The following UST variants were observed in gnomAD, a reference collection of about 807,000 sequenced individuals.
The protein encoded by UST is uronyl 2-sulfotransferase.
In UST, 21 loss-of-function variants were observed where a neutral mutation model predicts 45.6. The ratio of observed to expected loss-of-function variants is 0.46; its 90% confidence interval spans 0.33 to 0.66. UST has a LOEUF of 0.66. Among genes scored for constraint, UST ranks in the 30% least tolerant of loss-of-function variants. UST has a pLI of 0.02. For synonymous variants in UST, 215 were observed against 200.6 expected, an observed-to-expected ratio of 1.07 and a Z score of -0.61; for missense variants, 463 against 512.4, an observed-to-expected ratio of 0.90 and a Z score of 0.93.
chr6:149,072,236 C>T (rs1776829514), intron 7 of UST, among the ~76,000 whole-genome samples: 1 of 152,178 alleles, frequency 6.6e-6, no homozygotes, highest in Admixed American at 6.5e-5. Context: ...GACTCAGATA[C>T]TAGAATGCAA....
chr6:148,831,279 A>C (rs1777683323), intron 1 of UST, among the ~76,000 whole-genome samples: 1 of 152,200 alleles, frequency 6.6e-6, no homozygotes, highest in African/African-American at 2.4e-5. Flanking sequence ...AGATGAAAAA[A>C]TTCAGGTGCA....
At chr6:148,750,061 A>G (rs570546748) in intron 1 of UST, among the ~76,000 whole-genome samples, 46 of 152,330 alleles carry the variant, frequency 3.0e-4, no homozygotes, top group African/African-American at 1.1e-3. Flanking sequence ...GTGTCTGTCA[A>G]AACAAAACTT....
Position 149,074,233 on chromosome 6 carries a change from T to G in UST, c.*117T>G. The G allele has an allele frequency of 8.7e-7, 1 of 1,143,620 alleles. No homozygotes were observed. The highest frequency in any genetic ancestry group is 1.2e-6 in the Non-Finnish European group (1 of 808,648). 70.8% of individuals were successfully genotyped at this position (1,143,620 alleles called of 1,614,324 possible). ...TGGGTGCATTAAAAAGAACAAAACATTCCCACATGTTGGGGTCATTGGGAG... is the reference window on the plus strand; with the variant it reads ...TGGGTGCATTAAAAAGAACAAAACAGTCCCACATGTTGGGGTCATTGGGAG... On this transcript the variant is annotated 3_prime_UTR_variant, in exon 8 of 8. Transcript: ENST00000367463.
intron 1 of UST, among the ~76,000 whole-genome samples, chr6:148,772,147 A>G (rs1363467123): frequency 6.6e-6 from 1 of 152,124 alleles, no homozygotes; most frequent in Non-Finnish European, 1.5e-5. Flanking sequence ...CCTACTTTTC[A>G]TTGGTTTTAT....
chr6:149,065,062 G>C (rs1438149207), intron 7 of UST, among the ~76,000 whole-genome samples: 1 of 152,138 alleles, frequency 6.6e-6, no homozygotes, highest in South Asian at 2.1e-4. Flanking sequence ...GTTACTCTCA[G>C]TTCCTGCTAG....
chr6:149,057,076 CA>C (rs55998117), intron 7 of UST, among the ~76,000 whole-genome samples: 2,825 of 152,090 alleles, frequency 0.019, 39 homozygotes, highest in Non-Finnish European at 0.031. Flanking sequence ...AATCTTAAAA[CA>C]AAAAATGCAA....
chr6:148,862,431 T>C (rs1252598073), intron 1 of UST, among the ~76,000 whole-genome samples: 1 of 152,264 alleles, frequency 6.6e-6, no homozygotes, highest in Non-Finnish European at 1.5e-5. Flanking sequence ...AGCACACTGA[T>C]GGGTCTTGAC....
chr6:148,763,661 A>G (rs1486775115), intron 1 of UST, among the ~76,000 whole-genome samples: 1 of 152,038 alleles, frequency 6.6e-6, no homozygotes, highest in Non-Finnish European at 1.5e-5. Flanking sequence ...ATTCATCTTG[A>G]GTTAACTTTT....
intron 1 of UST, among the ~76,000 whole-genome samples, chr6:148,864,164 T>G (rs183541107): frequency 2.8e-4 from 43 of 152,274 alleles, no homozygotes; most frequent in African/African-American, 1.0e-3. Context: ...AGTTTGAGCT[T>G]CCCGGCCACT....
At chr6:148,781,982 C>T (rs1212531960) in intron 1 of UST, among the ~76,000 whole-genome samples, 3 of 152,194 alleles carry the variant, frequency 2.0e-5, no homozygotes, top group Non-Finnish European at 4.4e-5. Flanking sequence ...TGGAGATGTA[C>T]AAGGAGATTA....
chr6:148,923,230 T>A (rs1415383806), intron 2 of UST, among the ~76,000 whole-genome samples: 1 of 152,248 alleles, frequency 6.6e-6, no homozygotes, highest in African/African-American at 2.4e-5. Context: ...TTTGGGTTAT[T>A]ATGAATAATG....
chr6:148,997,148 T>C (rs907122545), intron 5 of UST, among the ~76,000 whole-genome samples: 3 of 152,224 alleles, frequency 2.0e-5, no homozygotes, highest in African/African-American at 7.2e-5. Context: ...TCACTAAATG[T>C]ATATATCCTA....
At chr6:148,986,444 C>G (rs1206629478) in intron 5 of UST, among the ~76,000 whole-genome samples, 1 of 152,178 alleles carries the variant, frequency 6.6e-6, no homozygotes, top group Non-Finnish European at 1.5e-5. Flanking sequence ...TCAGACTAAT[C>G]GAGTCAATTT....
intron 1 of UST, among the ~76,000 whole-genome samples, chr6:148,761,009 C>T (rs1331937233): frequency 6.6e-6 from 1 of 152,182 alleles, no homozygotes; most frequent in Admixed American, 6.5e-5. Flanking sequence ...AGTGAGCCTG[C>T]TTTGTGCAGT....
At chr6:148,964,688 G>C in intron 5 of UST, 125 bp downstream of exon 5, 1 of 1,281,614 alleles carries the variant, frequency 7.8e-7, no homozygotes, top group Non-Finnish European at 1.1e-6. Context: ...GTGGCGCAGA[G>C]AGGGTGCTTC....
At chr6:149,043,020 T>C (rs1377415572) in intron 7 of UST, among the ~76,000 whole-genome samples, 1 of 125,058 alleles carries the variant, frequency 8.0e-6, no homozygotes, top group African/African-American at 3.9e-5. Context: ...TCTTTCTTTC[T>C]TTTTCTTTCT....
chr6:148,943,864 T>A (rs751708411), intron 3 of UST, among the ~76,000 whole-genome samples: 12 of 152,112 alleles, frequency 7.9e-5, no homozygotes, highest in Non-Finnish European at 1.6e-4. Context: ...AAAAAACAAA[T>A]ATATAATTTT....
chr6:148,791,892 G>A lies in UST; in HGVS notation c.247+44215G>A, dbSNP rs753392729. On this transcript the variant is annotated intron_variant, in intron 1 of 7. Coordinates refer to ENST00000367463, the MANE Select transcript of UST (RefSeq NM_005715.3). ...GTTGAGCGAGTAAGTCAGGACCAAC[G>A]CGTCAATCACATGATGCAGGATGCT... Among the ~76,000 whole-genome samples the A allele has an allele frequency of 3.9e-5, 6 of 152,152 alleles. No individual in the cohort carries two copies. In the East Asian group the frequency reaches 7.7e-4, roughly 20 times the overall value.
At chr6:148,845,209 C>G (rs1777965381) in intron 1 of UST, among the ~76,000 whole-genome samples, 1 of 152,182 alleles carries the variant, frequency 6.6e-6, no homozygotes, top group Non-Finnish European at 1.5e-5. Flanking sequence ...GAGAAATCTC[C>G]AAACTTGTTC....
Sources: allele counts gnomAD v4.1 joint callset (sites outside exome capture counted in the v4.1 genomes callset), GRCh38; gene constraint gnomAD v4.1.1; transcripts MANE v1.5; gene names NCBI Gene and HGNC (gene_info 2026-07-23, HGNC 2026-07-21).